Variants in DAB2IP observed in about 807,000 individuals in gnomAD.
The protein encoded by DAB2IP is disabled homolog 2-interacting protein.
A neutral mutation model predicts 107.2 loss-of-function variants in DAB2IP; 28 were observed. That is an observed-to-expected ratio of 0.26 (90% CI 0.19 to 0.36). The LOEUF (loss-of-function observed/expected upper bound fraction) is 0.36. Ranked by LOEUF, DAB2IP falls within the 10% of genes least tolerant of loss-of-function variation. The pLI, the probability that DAB2IP is intolerant of heterozygous loss-of-function variation, is 1.00. For synonymous variants in DAB2IP, 755 were observed against 706.4 expected, an observed-to-expected ratio of 1.07 and a Z score of -1.09; for missense variants, 1,400 against 1,644.7, an observed-to-expected ratio of 0.85 and a Z score of 2.57.
At chr9:121,753,860 C>T (rs988702036) in intron 3 of DAB2IP, among the ~76,000 whole-genome samples, 2 of 152,184 alleles carry the variant, frequency 1.3e-5, no homozygotes, top group Non-Finnish European at 1.5e-5. Flanking sequence ...CTATCCCTGC[C>T]CCTTTGGAGC....
At chr9:121,708,282 G>A (rs2118766978) in intron 3 of DAB2IP, among the ~76,000 whole-genome samples, 1 of 152,362 alleles carries the variant, frequency 6.6e-6, no homozygotes, top group African/African-American at 2.4e-5. Context: ...ACACACTGGA[G>A]GAAACCCAGT....
Position 121,651,620 on chromosome 9 carries a change from G to C in DAB2IP, c.-156G>C, listed in dbSNP as rs1312265497. 57 of 1,041,074 alleles carry C rather than the reference G, an allele frequency of 5.5e-5. No individual in the cohort carries two copies. Among genetic ancestry groups the C allele is most frequent in the Non-Finnish European group, 6.4e-5 (55 of 863,814 alleles). 64.5% of individuals were successfully genotyped at this position (1,041,074 alleles called of 1,614,324 possible). A position where few individuals can be genotyped will look rare whatever the true frequency, so the allele number is the denominator to read the frequency against. ...GGAGCGGGAGGGGGCAGGAGGCGGA[G>C]GAGGAGTTTGAGCGACTTTGTGGGG... On this transcript the variant is annotated 5_prime_UTR_variant, in exon 1 of 16. Transcript: ENST00000408936. This position sits in a 1 kb window ranked among gnomAD's most constrained non-coding sequence, Gnocchi z 5.1.
Position 121,699,822 on chromosome 9 carries a change from C to T in DAB2IP, c.362+364C>T, listed in dbSNP as rs564991715. Among the ~76,000 whole-genome samples the T allele has an allele frequency of 7.2e-5, 11 of 152,322 alleles. No homozygotes were observed. The highest frequency in any genetic ancestry group is 2.0e-4 in the Admixed American group (3 of 15,306). On this transcript the variant is annotated intron_variant, in intron 3 of 15. Coordinates refer to ENST00000408936, the Ensembl canonical transcript of DAB2IP. The surrounding 1 kb of genome is among the most constrained non-coding windows in gnomAD (Gnocchi z 6.2). ...GGGGACGGAAGTGGGGCCTCTGCCGCCAGGACCCATCCCCCTGCCTTGGGA... is the reference window on the plus strand; with the variant it reads ...GGGGACGGAAGTGGGGCCTCTGCCGTCAGGACCCATCCCCCTGCCTTGGGA...
chr9:121,651,336 A>T (rs543176155), upstream of DAB2IP, among the ~76,000 whole-genome samples: 1 of 152,178 alleles, frequency 6.6e-6, no homozygotes, highest in African/African-American at 2.4e-5. The surrounding 1 kb of genome is among the most constrained non-coding windows in gnomAD (Gnocchi z 5.1). Flanking sequence ...CGGGCTCCGG[A>T]GAGCGCACAA....
chr9:121,709,895 C>T (rs1259617990), intron 3 of DAB2IP, among the ~76,000 whole-genome samples: 2 of 152,168 alleles, frequency 1.3e-5, no homozygotes, highest in Non-Finnish European at 2.9e-5. Flanking sequence ...TATCCACAGC[C>T]AGGGCCCTCT....
intron 1 of DAB2IP, among the ~76,000 whole-genome samples, chr9:121,591,834 C>A (rs1185317506): frequency 6.6e-6 from 1 of 152,124 alleles, no homozygotes; most frequent in Admixed American, 6.6e-5. Flanking sequence ...ATAAGAGGGA[C>A]TCAGACAGTC....
At chr9:121,738,522 G>A (rs957332723) in intron 3 of DAB2IP, among the ~76,000 whole-genome samples, 18 of 152,120 alleles carry the variant, frequency 1.2e-4, no homozygotes, top group African/African-American at 4.1e-4. Context: ...GGGAGTTGTG[G>A]GTTGGCCTTG....
chr9:121,648,690 G>T (rs1832629511), upstream of DAB2IP, among the ~76,000 whole-genome samples: 1 of 152,192 alleles, frequency 6.6e-6, no homozygotes, highest in Non-Finnish European at 1.5e-5. Context: ...AGGTGATTTG[G>T]GGGCTGCAGC....
intron 1 of DAB2IP, among the ~76,000 whole-genome samples, chr9:121,583,378 G>A (rs964609498): frequency 6.6e-6 from 1 of 152,146 alleles, no homozygotes; most frequent in African/African-American, 2.4e-5. Context: ...GCAACTGAGT[G>A]AGACTCTGTT....
intron 14 of DAB2IP, among the ~76,000 whole-genome samples, chr9:121,780,682 A>G (rs963363566): frequency 4.6e-5 from 7 of 152,132 alleles, no homozygotes; most frequent in Admixed American, 1.3e-4. Flanking sequence ...AAGCCAAAGG[A>G]GAGTGGGAAG....
chr9:121,580,657 C>T (rs1236458034), intron 1 of DAB2IP, among the ~76,000 whole-genome samples: 7 of 151,824 alleles, frequency 4.6e-5, no homozygotes, highest in Non-Finnish European at 1.0e-4. Context: ...TGGAGTCTCG[C>T]TCTGTTGCCC....
At chr9:121,609,002 C>T (rs913586959) in intron 1 of DAB2IP, among the ~76,000 whole-genome samples, 2 of 152,154 alleles carry the variant, frequency 1.3e-5, no homozygotes, top group African/African-American at 4.8e-5. Context: ...AGTGCAGTGG[C>T]GCAATCTCGG....
At chr9:121,595,112 C>T (rs1830501087) in intron 1 of DAB2IP, among the ~76,000 whole-genome samples, 1 of 152,084 alleles carries the variant, frequency 6.6e-6, no homozygotes, top group Non-Finnish European at 1.5e-5. Context: ...TTACTGAGCA[C>T]TTCCTCATGA....
intron 1 of DAB2IP, among the ~76,000 whole-genome samples, chr9:121,570,107 C>CTTTTT (rs60818537): frequency 4.9e-5 from 5 of 101,498 alleles, no homozygotes; most frequent in Admixed American, 1.1e-4. Flanking sequence ...TTCTCTTTCT[C>CTTTTT]TTTTTTTTTT....
intron 1 of DAB2IP, among the ~76,000 whole-genome samples, chr9:121,642,493 T>C (rs868159978): frequency 0.011 from 1,612 of 147,162 alleles, 28 homozygotes; most frequent in African/African-American, 0.036. Context: ...TTTTTCTTTT[T>C]TTTTTTTTTT....
At chr9:121,660,474 C>T (rs1833152345) in intron 1 of DAB2IP, among the ~76,000 whole-genome samples, 1 of 152,166 alleles carries the variant, frequency 6.6e-6, no homozygotes, top group Admixed American at 6.5e-5. Flanking sequence ...GCAGGGAGGC[C>T]AGTCCGCTTC....
intron 3 of DAB2IP, among the ~76,000 whole-genome samples, chr9:121,710,126 C>G (rs1301339345): frequency 6.6e-6 from 1 of 152,244 alleles, no homozygotes; most frequent in East Asian, 1.9e-4. Flanking sequence ...TTTTAACCAC[C>G]CCACAGTACT....
At chr9:121,768,567 C>G (rs749219360) in exon 10 of DAB2IP, 2 of 1,614,192 alleles carry the variant, frequency 1.2e-6, no homozygotes, top group Non-Finnish European at 1.7e-6. Flanking sequence ...AGGGCTACAT[C>G]GACCTGGGCC....
At chr9:121,603,570 T>C (rs1830763618) in intron 1 of DAB2IP, among the ~76,000 whole-genome samples, 1 of 152,180 alleles carries the variant, frequency 6.6e-6, no homozygotes, top group Admixed American at 6.5e-5. Context: ...AATAAGGCAC[T>C]CTGGCCTTTT....
Sources: gnomAD v4.1 joint callset for allele counts (sites outside exome capture counted in the v4.1 genomes callset) on GRCh38, gnomAD v4.1.1 for gene constraint, Gnocchi (gnomAD v3.1) non-coding constraint, MANE v1.5 for transcripts, NCBI Gene and HGNC (gene_info 2026-07-23, HGNC 2026-07-21) for gene names.